Variants in SPINK5 observed in about 807,000 individuals in gnomAD.
SPINK5 encodes the protein serine peptidase inhibitor Kazal type 5.
A neutral mutation model predicts 151.8 loss-of-function variants in SPINK5; 125 were observed. That is an observed-to-expected ratio of 0.82 (90% CI 0.71 to 0.96). The LOEUF is 0.96. Among genes scored for constraint, SPINK5 ranks in the 40% least tolerant of loss-of-function variants. The pLI is 0.00. For missense variants in SPINK5, 1,194 were observed against 1,291.9 expected (o/e 0.92, Z 1.16); for synonymous variants, 374 against 395.3 (o/e 0.95, Z 0.64).
At chr5:148,095,195 C>T (rs1467069400) in intron 9 of SPINK5, among the ~76,000 whole-genome samples, 1 of 151,960 alleles carries the variant, frequency 6.6e-6, no homozygotes, top group Non-Finnish European at 1.5e-5. Flanking sequence ...TCTTTTCTAA[C>T]CACCATCACA....
At chr5:148,084,695 C>G (rs755259601) in intron 4 of SPINK5, among the ~76,000 whole-genome samples, 7 of 151,868 alleles carry the variant, frequency 4.6e-5, no homozygotes, top group Non-Finnish European at 1.0e-4. Context: ...AGCCATCCTG[C>G]TTTTTCTTTA....
At chr5:148,088,138 C>T (rs548575696) in intron 5 of SPINK5, among the ~76,000 whole-genome samples, 1 of 151,678 alleles carries the variant, frequency 6.6e-6, no homozygotes. Context: ...CTTCATAACC[C>T]AAATAAAGAG....
Position 148,125,789 on chromosome 5 carries a change from C to CCAGT in SPINK5, c.2807_2810dup (p.His938SerfsTer5). ...ACTCATCTGCCCTAGAGAGAATGAC[C>CCAGT]CAGTGCACGGTGCTGATGGAAAGTT... On this transcript the variant is annotated frameshift_variant, in exon 29 of 33. Coordinates refer to ENST00000256084, the MANE Select transcript of SPINK5 (RefSeq NM_006846.4). LOFTEE classifies it high-confidence loss of function. 2 of 1,614,112 alleles carry CCAGT rather than the reference C, an allele frequency of 1.2e-6. No individual in the cohort carries two copies. The highest frequency in any genetic ancestry group is 1.7e-6 in the Non-Finnish European group (2 of 1,180,016).
At position 148,114,405 on chromosome 5, in the gene SPINK5, TTTTC is replaced by T; in HGVS notation, c.1933_1936del (p.Phe645AlafsTer69). ...CGGAGACTTTTGCAAAATGGAAAACTTTTCTGCACAAGAGAAAATGATCCTGTGC... is the reference window on the plus strand; with the variant it reads ...CGGAGACTTTTGCAAAATGGAAAACTTGCACAAGAGAAAATGATCCTGTGC... On this transcript the variant is annotated frameshift_variant, in exon 21 of 33. Transcript: ENST00000256084. LOFTEE classifies it high-confidence loss of function. 1 of 1,613,616 alleles carries T rather than the reference TTTTC, an allele frequency of 6.2e-7. No individual in the cohort carries two copies. Among genetic ancestry groups the T allele is most frequent in the Non-Finnish European group, 8.5e-7 (1 of 1,179,676 alleles).
chr5:148,107,706 C>T (rs569782613), intron 17 of SPINK5, among the ~76,000 whole-genome samples: 40 of 152,276 alleles, frequency 2.6e-4, no homozygotes, highest in Non-Finnish European at 5.1e-4. Context: ...GAAACAGGCT[C>T]ATACCCTAAA....
At chr5:148,116,127 A>C (rs538505243) in intron 21 of SPINK5, among the ~76,000 whole-genome samples, 1 of 151,992 alleles carries the variant, frequency 6.6e-6, no homozygotes, top group Admixed American at 6.6e-5. Context: ...AGCTTTACTC[A>C]CCTTGTCTTG....
intron 6 of SPINK5, chr5:148,089,221 T>C (rs1020354634): frequency 1.9e-6 from 1 of 531,960 alleles, no homozygotes; most frequent in Non-Finnish European, 3.6e-6. Context: ...ACCTAGGAGA[T>C]TGGGAGCAAG....
chr5:148,107,404 T>A (rs1753811675), intron 17 of SPINK5, among the ~76,000 whole-genome samples: 1 of 152,044 alleles, frequency 6.6e-6, no homozygotes, highest in Non-Finnish European at 1.5e-5. Flanking sequence ...GGTTTTTTTT[T>A]AACACTTGAT....
At chr5:148,126,131 GATC>G (rs1286214716) in intron 29 of SPINK5, among the ~76,000 whole-genome samples, 3 of 152,066 alleles carry the variant, frequency 2.0e-5, no homozygotes, top group African/African-American at 7.2e-5. Flanking sequence ...AATTCTTCAA[GATC>G]TTTATTCCAC....
At chr5:148,102,058 C>A in intron 15 of SPINK5, 150 bp downstream of exon 15, 1 of 1,149,592 alleles carries the variant, frequency 8.7e-7, no homozygotes, top group Non-Finnish European at 1.3e-6. Flanking sequence ...AAACAAACAA[C>A]AGCAACAATA....
At position 148,089,275 on chromosome 5, in the gene SPINK5, AG is replaced by A. The variant is rs780192830; in HGVS notation, c.475-217del. On this transcript the variant is annotated intron_variant, in intron 6 of 32. Transcript: ENST00000256084. ...CTCTGTCTGAGTTCTGGCACATAGT[AG>A]GTTATCTGTTTACTAAATAAATGAA... 5 of 621,644 alleles carry A rather than the reference AG, an allele frequency of 8.0e-6. No individual in the cohort carries two copies. In the East Asian group the frequency reaches 1.8e-4, roughly 22 times the overall value. The allele number at this position is 621,644 out of a possible 1,614,324, so 38.5% of individuals were successfully genotyped here.
At chr5:148,071,518 T>G (rs1417960765) in intron 3 of SPINK5, among the ~76,000 whole-genome samples, 1 of 152,100 alleles carries the variant, frequency 6.6e-6, no homozygotes, top group African/African-American at 2.4e-5. Flanking sequence ...TTTCATAAGA[T>G]GTTTTAATAT....
At chr5:148,119,884 T>G in intron 24 of SPINK5, 125 bp from the exon 25 acceptor site, 1 of 993,754 alleles carries the variant, frequency 1.0e-6, no homozygotes, top group South Asian at 1.4e-5. Context: ...TGTGGGACAT[T>G]ATTTTGCCTA....
chr5:148,076,026 G>A (rs1376951435), intron 4 of SPINK5, among the ~76,000 whole-genome samples: 1 of 151,448 alleles, frequency 6.6e-6, no homozygotes, highest in African/African-American at 2.4e-5. Context: ...AGCCCAAAGA[G>A]GGTCAAGAGA....
Position 148,097,967 on chromosome 5 carries a change from A to T in SPINK5, c.983A>T (p.Asn328Ile). The change falls in exon 11 of 33, where the codon AAC becomes ATC. Residue 328 changes from asparagine (N) to isoleucine (I), a missense_variant. By Grantham distance (149) the Asn-to-Ile change is moderately radical. Coordinates refer to ENST00000256084, the MANE Select transcript of SPINK5 (RefSeq NM_006846.4). ...GGTCCAGATGGGAAAATGCATGGCA[A>T]CTTGTGTTCCATGTGTCAAGCCTAC... The part of the protein sequence containing the change: ...IRGPDGKMHG[N>I]LCSMCQAYFQ... 3 of 1,612,112 alleles carry T rather than the reference A, an allele frequency of 1.9e-6. No homozygotes were observed. The highest frequency in any genetic ancestry group is 2.5e-6 in the Non-Finnish European group (3 of 1,178,622).
chr5:148,118,388 T>A, intron 22 of SPINK5, 49 bp from the exon 23 acceptor site: 1 of 1,612,658 alleles, frequency 6.2e-7, no homozygotes, highest in East Asian at 2.2e-5. Context: ...TTACTAAGAA[T>A]ACAGTAGACT....
chr5:148,129,520 G>C (rs535809255), intron 30 of SPINK5, among the ~76,000 whole-genome samples: 1 of 146,524 alleles, frequency 6.8e-6, no homozygotes, highest in Non-Finnish European at 1.5e-5. Flanking sequence ...AAAATGAAGA[G>C]AGAGAGAGAG....
At position 148,077,637 on chromosome 5, in the gene SPINK5, G is replaced by GTATATATATA. The variant is rs71001472; in HGVS notation, c.282+5431_282+5440dup. Among the ~76,000 whole-genome samples the GTATATATATA allele has an allele frequency of 8.0e-3, 1,086 of 135,004 alleles. 23 individuals are homozygous for GTATATATATA. Among genetic ancestry groups the GTATATATATA allele is most frequent in the African/African-American group, 0.022 (763 of 34,416 alleles). The allele number at this position is 135,004 out of a possible 152,430, so 88.6% of individuals were successfully genotyped here. On this transcript the variant is annotated intron_variant, in intron 4 of 32. Coordinates refer to ENST00000256084, the MANE Select transcript of SPINK5 (RefSeq NM_006846.4). ...AACAATTATAATGCTGTTTTATCAG[G>GTATATATATA]TATATATATATATATATATATATGA...
chr5:148,129,439 G>T (rs1754519653), intron 30 of SPINK5, among the ~76,000 whole-genome samples: 1 of 152,134 alleles, frequency 6.6e-6, no homozygotes, highest in Admixed American at 6.5e-5. Flanking sequence ...GCTCTTGAGA[G>T]GTGGTAAGAT....
Sources: gnomAD v4.1 joint callset for allele counts (sites outside exome capture counted in the v4.1 genomes callset) on GRCh38, gnomAD v4.1.1 for gene constraint, MANE v1.5 for transcripts, NCBI Gene and HGNC (gene_info 2026-07-23, HGNC 2026-07-21) for gene names.